AP3S1: variants seen among roughly 807,000 people sequenced by gnomAD.
AP3S1 encodes AP-3 complex subunit sigma-1.
A neutral mutation model predicts 21.3 loss-of-function variants in AP3S1; 12 were observed. The ratio of observed to expected loss-of-function variants is 0.56; its 90% CI spans 0.36 to 0.91. AP3S1 has a LOEUF of 0.91. Ranked by LOEUF, AP3S1 falls within the 40% of genes least tolerant of loss-of-function variation. AP3S1 has a pLI of 0.01. For missense variants in AP3S1, 116 were observed against 225.0 expected (o/e 0.52, Z 3.10); for synonymous variants, 48 against 78.4 (o/e 0.61, Z 2.05).
At chr5:115,899,495 C>T (rs913015478) in intron 4 of AP3S1, among the ~76,000 whole-genome samples, 2 of 151,902 alleles carry the variant, frequency 1.3e-5, no homozygotes, top group Non-Finnish European at 2.9e-5. Flanking sequence ...GCTGTGTTGC[C>T]CAGGCTGGTC....
chr5:115,866,962 G>A (rs996691707), intron 2 of AP3S1, among the ~76,000 whole-genome samples: 2 of 151,830 alleles, frequency 1.3e-5, no homozygotes, highest in African/African-American at 4.8e-5. Context: ...AAAAATTTTG[G>A]AAGGGAATTT....
chr5:115,896,977 T>C (rs1370008277), intron 4 of AP3S1, among the ~76,000 whole-genome samples: 1 of 152,086 alleles, frequency 6.6e-6, no homozygotes, highest in Non-Finnish European at 1.5e-5. Context: ...AGAATAAAAG[T>C]TTTTAAGGAA....
At chr5:115,867,071 T>C (rs1763682283) in intron 2 of AP3S1, among the ~76,000 whole-genome samples, 1 of 152,128 alleles carries the variant, frequency 6.6e-6, no homozygotes, top group Admixed American at 6.5e-5. Context: ...TCTACCCAAT[T>C]TCTTGTGTAT....
chr5:115,879,992 G>A lies in AP3S1; in HGVS notation c.273+9864G>A, dbSNP rs558531994. Among the ~76,000 whole-genome samples the A allele has an allele frequency of 9.2e-5, 14 of 152,168 alleles. No homozygotes were observed. The East Asian group carries it at 1.7e-3, about 19-fold the overall frequency. On this transcript the variant is annotated intron_variant, in intron 3 of 5. Coordinates refer to ENST00000316788, the MANE Select transcript of AP3S1 (RefSeq NM_001284.4). Reference sequence around the variant, plus strand: ...CTTCTAGATTTTCTAGTTTATTTGCGTAGAGTTGTTTATAGTATTCTCTGA... The same window carrying A: ...CTTCTAGATTTTCTAGTTTATTTGCATAGAGTTGTTTATAGTATTCTCTGA...
chr5:115,848,131 G>A (rs1448987382), intron 1 of AP3S1, among the ~76,000 whole-genome samples: 2 of 142,428 alleles, frequency 1.4e-5, no homozygotes, highest in East Asian at 1.9e-4. Flanking sequence ...AAGGCCTTAC[G>A]TGACGTACCT....
At chr5:115,897,858 G>A (rs1288136954) in intron 4 of AP3S1, among the ~76,000 whole-genome samples, 2 of 151,942 alleles carry the variant, frequency 1.3e-5, no homozygotes, top group African/African-American at 4.8e-5. Flanking sequence ...CACCACGCCC[G>A]GCCACAGCTC....
At chr5:115,893,017 G>A (rs1412532426) in intron 3 of AP3S1, among the ~76,000 whole-genome samples, 1 of 152,156 alleles carries the variant, frequency 6.6e-6, no homozygotes, top group Non-Finnish European at 1.5e-5. Flanking sequence ...TAATAATTTT[G>A]TTGTCACCTC....
At chr5:115,910,849 C>T (rs137889559) in intron 5 of AP3S1, among the ~76,000 whole-genome samples, 99 of 152,108 alleles carry the variant, frequency 6.5e-4, no homozygotes, top group East Asian at 6.4e-3. Flanking sequence ...CTTAAAGCAC[C>T]TATTACAACT....
At chr5:115,882,400 A>G (rs1266772041) in intron 3 of AP3S1, among the ~76,000 whole-genome samples, 3 of 151,972 alleles carry the variant, frequency 2.0e-5, no homozygotes, top group Admixed American at 2.0e-4. Context: ...GGACATCCTT[A>G]TTGTCCTTGT....
chr5:115,849,984 C>T (rs140030555), intron 1 of AP3S1, among the ~76,000 whole-genome samples: 2 of 152,222 alleles, frequency 1.3e-5, no homozygotes, highest in East Asian at 3.9e-4. Flanking sequence ...ATCAAGCTTT[C>T]GTAAGTCACC....
intron 5 of AP3S1, among the ~76,000 whole-genome samples, chr5:115,908,368 A>G (rs975413958): frequency 6.6e-6 from 1 of 152,144 alleles, no homozygotes; most frequent in African/African-American, 2.4e-5. Flanking sequence ...AAAAAAAATC[A>G]AGTTTCTGTT....
intron 5 of AP3S1, chr5:115,903,781 C>T (rs531691607): frequency 1.3e-5 from 2 of 152,236 alleles, no homozygotes; most frequent in South Asian, 4.1e-4. Flanking sequence ...AGCTGAGCCA[C>T]CTGGGTTCAC....
At chr5:115,861,860 CTTTTCTTTTTTT>C (rs1362324900) in intron 1 of AP3S1, among the ~76,000 whole-genome samples, 7 of 120,124 alleles carry the variant, frequency 5.8e-5, no homozygotes, top group African/African-American at 2.3e-4. Context: ...ATTTTCTTTT[CTTTTCTTTTTTT>C]TTTTTTTTTT....
At chr5:115,881,450 A>T (rs1749278316) in intron 3 of AP3S1, among the ~76,000 whole-genome samples, 1 of 152,106 alleles carries the variant, frequency 6.6e-6, no homozygotes, top group Non-Finnish European at 1.5e-5. Flanking sequence ...TTTCTCCTTC[A>T]CTTATGAAGC....
intron 3 of AP3S1, among the ~76,000 whole-genome samples, chr5:115,894,106 G>T (rs988839473): frequency 3.2e-4 from 48 of 152,198 alleles, no homozygotes; most frequent in African/African-American, 1.1e-3. Flanking sequence ...ATAGTGAAAG[G>T]ATACAGAGTA....
intron 1 of AP3S1, among the ~76,000 whole-genome samples, chr5:115,854,207 C>G (rs559762300): frequency 6.6e-6 from 1 of 152,072 alleles, no homozygotes; most frequent in Non-Finnish European, 1.5e-5. Flanking sequence ...AAAGGTCTTA[C>G]GTTTTAACAC....
intron 3 of AP3S1, among the ~76,000 whole-genome samples, chr5:115,888,576 A>G (rs1749996997): frequency 6.6e-6 from 1 of 152,176 alleles, no homozygotes; most frequent in African/African-American, 2.4e-5. Context: ...TAAATTAATA[A>G]CATGCAGTTA....
chr5:115,900,949 CAG>C (rs1415095324), intron 4 of AP3S1, among the ~76,000 whole-genome samples: 1 of 152,160 alleles, frequency 6.6e-6, no homozygotes, highest in African/African-American at 2.4e-5. Context: ...GCTTCTCTGA[CAG>C]AGATCAGTGA....
chr5:115,904,783 G>A (rs1751498619), intron 5 of AP3S1, among the ~76,000 whole-genome samples: 1 of 152,160 alleles, frequency 6.6e-6, no homozygotes, highest in Non-Finnish European at 1.5e-5. Context: ...AACTTAAAAT[G>A]TGTGTCATTT....
Sources: gnomAD v4.1 joint callset for allele counts (sites outside exome capture counted in the v4.1 genomes callset) on GRCh38, gnomAD v4.1.1 for gene constraint, MANE v1.5 for transcripts, NCBI Gene and HGNC (gene_info 2026-07-23, HGNC 2026-07-21) for gene names.